Variants in TBX18 observed in about 807,000 individuals in gnomAD.
TBX18 encodes the protein T-box transcription factor TBX18.
Under a neutral mutation model 55.0 loss-of-function variants are expected in TBX18, and 21 were observed. The observed-to-expected ratio is 0.38, with a 90% CI of 0.27 to 0.55. TBX18 has a LOEUF of 0.55. TBX18 is among the 20% of genes least tolerant of loss of function. The pLI is 0.73. For synonymous variants in TBX18, 342 were observed against 326.1 expected (o/e 1.05, Z -0.53); for missense variants, 840 against 799.6 (o/e 1.05, Z -0.61).
intron 5 of TBX18, among the ~76,000 whole-genome samples, chr6:84,745,951 A>C (rs1011102775): frequency 1.3e-5 from 2 of 152,226 alleles, no homozygotes; most frequent in African/African-American, 4.8e-5. Context: ...TAAGTAAGCC[A>C]GGACCACAGG....
rs1773896666 is a variant in TBX18, at chr6:84,734,847, T to C, written c.*1838A>G. On this transcript the variant is annotated 3_prime_UTR_variant, in exon 8 of 8. Transcript: ENST00000369663. ...CCCCAAATCTTTGTCAAGCTATTAA[T>C]GCCATACCCAAACATCTTACATAGA... The C allele has an allele frequency of 6.6e-6, 1 of 152,220 alleles. No homozygotes were observed. The highest frequency in any genetic ancestry group is 6.5e-5 in the Admixed American group (1 of 15,280). The allele number at this position is 152,220 out of a possible 1,614,324, so 9.4% of individuals were successfully genotyped here. A position where few individuals can be genotyped will look rare whatever the true frequency, so the allele number is the denominator to read the frequency against.
At position 84,763,980 on chromosome 6, in the gene TBX18, C is replaced by G. The variant is rs754629522; in HGVS notation, c.202G>C (p.Glu68Gln). 2 of 1,582,294 alleles carry G rather than the reference C, an allele frequency of 1.3e-6. No individual in the cohort carries two copies. Among genetic ancestry groups the G allele is most frequent in the Non-Finnish European group, 1.7e-6 (2 of 1,169,760 alleles). Reference protein sequence around the residue: ...GGGAGEKGSSEGDEGAALPPP... With the variant: ...GGGAGEKGSSQGDEGAALPPP... ...GGGAGCGCAGCGCCTTCGTCTCCCTCAGAAGAACCCTTTTCGCCCGCGCCG... is the reference window on the plus strand; with the variant it reads ...GGGAGCGCAGCGCCTTCGTCTCCCTGAGAAGAACCCTTTTCGCCCGCGCCG... Residue 68 changes from glutamate to glutamine, a missense_variant, in exon 1 of 8, where the codon GAG becomes CAG. Coordinates refer to ENST00000369663, the MANE Select transcript of TBX18 (RefSeq NM_001080508.3).
chr6:84,747,539 T>C (rs1425564084), intron 5 of TBX18, among the ~76,000 whole-genome samples: 1 of 152,214 alleles, frequency 6.6e-6, no homozygotes, highest in Non-Finnish European at 1.5e-5. Flanking sequence ...TCTGAACTAT[T>C]TTTAGAATGT....
In TBX18 at chr6:84,736,918, C is replaced by T; in HGVS notation, c.1591G>A (p.Gly531Arg). 1 of 1,612,422 alleles carries T rather than the reference C, an allele frequency of 6.2e-7. No individual in the cohort carries two copies. Among genetic ancestry groups the T allele is most frequent in the Non-Finnish European group, 8.5e-7 (1 of 1,179,214 alleles). The change falls in exon 8 of 8, where the codon GGA becomes AGA. Residue 531 changes from glycine (G) to arginine (R), a missense_variant. Transcript: ENST00000369663. Reference protein sequence around the residue: ...FRLHSPCALYGYNFSTSPKLA... With the variant: ...FRLHSPCALYRYNFSTSPKLA... ...TTGGGGGATGTGGAGAAGTTATATC[C>T]ATATAGTGCACAGGGGCTGTGTAAT...
At position 84,756,859 on chromosome 6, in the gene TBX18, G is replaced by A. The variant is rs367613149; in HGVS notation, c.610C>T (p.His204Tyr). The change falls in exon 4 of 8, where the codon CAC becomes TAC. Residue 204 changes from histidine (H) to tyrosine (Y), a missense_variant. Transcript: ENST00000369663. Reference protein sequence around the residue: ...VDNKRYRYVYHSSKWMVAGNA... With the variant: ...VDNKRYRYVYYSSKWMVAGNA... ...CCTGCCACCATCCATTTCGAACTGT[G>A]GTAAACATACCTAGAAGGCAATGAC... 1.2e-6 allele frequency: 2 copies of A among 1,613,744 alleles called. No individual in the cohort carries two copies. The highest frequency in any genetic ancestry group is 1.7e-6 in the Non-Finnish European group (2 of 1,179,900).
intron 4 of TBX18, among the ~76,000 whole-genome samples, chr6:84,754,590 A>G (rs543720128): frequency 1.3e-5 from 2 of 152,330 alleles, no homozygotes; most frequent in East Asian, 3.9e-4. Context: ...TTTAGGTTTA[A>G]GTAACTGAAT....
chr6:84,739,991 G>A (rs1049165606), intron 6 of TBX18, among the ~76,000 whole-genome samples: 6 of 152,142 alleles, frequency 3.9e-5, no homozygotes, highest in Non-Finnish European at 7.3e-5. Flanking sequence ...TGTGTGGAGG[G>A]GTGGTGTGTA....
intron 5 of TBX18, 42 bp downstream of exon 5, chr6:84,747,878 G>GAAA: frequency 6.4e-7 from 1 of 1,571,286 alleles, no homozygotes; most frequent in Admixed American, 1.8e-5. Flanking sequence ...CTCTTCACCT[G>GAAA]AAATGAAAAA....
intron 4 of TBX18, among the ~76,000 whole-genome samples, chr6:84,748,652 T>G (rs1767260673): frequency 6.6e-6 from 1 of 152,180 alleles, no homozygotes; most frequent in African/African-American, 2.4e-5. Context: ...TGTGCCTCTA[T>G]CACAATGAGG....
intron 3 of TBX18, among the ~76,000 whole-genome samples, chr6:84,758,423 GAAAGAAAGAAAAAGAAACCTT>G (rs1767554378): frequency 2.0e-5 from 3 of 148,274 alleles, no homozygotes; most frequent in Non-Finnish European, 3.0e-5. Flanking sequence ...AAAAAAAAAA[GAAAGAAAGAAAAAGAAACCTT>G]TTTCTTTTAA....
In TBX18 at chr6:84,747,987, T is replaced by G; in HGVS notation, c.872A>C (p.Glu291Ala). The change falls in exon 5 of 8, where the codon GAG (glutamate) becomes GCG (alanine). Residue 291 changes from glutamate (E) to alanine (A), a missense_variant. Glu to Ala is a moderately radical substitution (Grantham distance 107). Coordinates refer to ENST00000369663, the MANE Select transcript of TBX18 (RefSeq NM_001080508.3). Reference protein sequence around the residue: ...LSPIKPVPSGEGVKAFSFPET... With the variant: ...LSPIKPVPSGAGVKAFSFPET... ...TGGAAAGGAGAATGCCTTTACTCCCTCCCCGGATGGAACAGGCTTGATGGG... is the reference window on the plus strand; with the variant it reads ...TGGAAAGGAGAATGCCTTTACTCCCGCCCCGGATGGAACAGGCTTGATGGG... 1.2e-6 allele frequency: 2 copies of G among 1,613,368 alleles called. No individual in the cohort carries two copies. The highest frequency in any genetic ancestry group is 1.7e-6 in the Non-Finnish European group (2 of 1,179,458).
intron 6 of TBX18, among the ~76,000 whole-genome samples, chr6:84,743,260 T>C (rs1468952681): frequency 6.6e-6 from 1 of 152,182 alleles, no homozygotes; most frequent in African/African-American, 2.4e-5. Context: ...CATATAACAA[T>C]GACATCACAT....
At chr6:84,755,580 C>G (rs1394950408) in intron 4 of TBX18, among the ~76,000 whole-genome samples, 2 of 152,152 alleles carry the variant, frequency 1.3e-5, no homozygotes, top group African/African-American at 4.8e-5. Context: ...AGGAGTAATG[C>G]ACTAAAATAC....
At chr6:84,738,047 A>T (rs2127871201) in intron 7 of TBX18, among the ~76,000 whole-genome samples, 1 of 152,292 alleles carries the variant, frequency 6.6e-6, no homozygotes. Flanking sequence ...GCTGAGAAAT[A>T]TTCAGAGATG....
chr6:84,739,855 A>G (rs2127872041), intron 6 of TBX18, among the ~76,000 whole-genome samples: 1 of 152,292 alleles, frequency 6.6e-6, no homozygotes, highest in Non-Finnish European at 1.5e-5. Flanking sequence ...CATCTGTTCC[A>G]AGGCTTCACA....
intron 3 of TBX18, among the ~76,000 whole-genome samples, chr6:84,757,334 G>A (rs2127879880): frequency 6.6e-6 from 1 of 152,268 alleles, no homozygotes; most frequent in Middle Eastern, 3.4e-3. Flanking sequence ...AAAGGCTTAT[G>A]GAACAGACAG....
chr6:84,746,600 CTT>C (rs887802604), intron 5 of TBX18, among the ~76,000 whole-genome samples: 3 of 143,822 alleles, frequency 2.1e-5, no homozygotes, highest in Non-Finnish European at 4.5e-5. Flanking sequence ...ATGTATATAT[CTT>C]ATATATTTAT....
Position 84,732,971 on chromosome 6 carries a change from A to T in TBX18, c.*3714T>A, listed in dbSNP as rs1773844730. Reference sequence around the variant, plus strand: ...AAGGAATACTAACAATTATCATCCCAGCCATTCCTTTCACACATAGCAAAA... The same window carrying T: ...AAGGAATACTAACAATTATCATCCCTGCCATTCCTTTCACACATAGCAAAA... On this transcript the variant is annotated 3_prime_UTR_variant, in exon 8 of 8. Transcript: ENST00000369663. The T allele has an allele frequency of 6.6e-6, 1 of 152,122 alleles. No individual in the cohort carries two copies. Among genetic ancestry groups the T allele is most frequent in the South Asian group, 2.1e-4 (1 of 4,830 alleles). The allele number at this position is 152,122 out of a possible 1,614,324, so 9.4% of individuals were successfully genotyped here.
At position 84,740,694 on chromosome 6, in the gene TBX18, C is replaced by T. The variant is rs767871513; in HGVS notation, c.1005-2103G>A. Among the ~76,000 whole-genome samples the T allele has an allele frequency of 3.3e-5, 5 of 152,216 alleles. No homozygotes were observed. The South Asian group carries it at 8.3e-4, about 25-fold the overall frequency. ...TAAATTTTGTGACTTTCCAGAAATA[C>T]AACGATTTTAAATGCAAAAGAATGT... On this transcript the variant is annotated intron_variant, in intron 6 of 7. Transcript: ENST00000369663.
Sources: gnomAD v4.1 joint callset for allele counts (sites outside exome capture counted in the v4.1 genomes callset) on GRCh38, gnomAD v4.1.1 for gene constraint, MANE v1.5 for transcripts, NCBI Gene and HGNC (gene_info 2026-07-23, HGNC 2026-07-21) for gene names.